CDK5: variants seen among roughly 807,000 people sequenced by gnomAD.
The protein encoded by CDK5 is cyclin-dependent kinase 5.
Under a neutral mutation model 44.6 loss-of-function variants are expected in CDK5, and 18 were observed. That is an observed-to-expected ratio of 0.40 (90% CI 0.28 to 0.60). The LOEUF (loss-of-function observed/expected upper bound fraction) is 0.60. Ranked by LOEUF, CDK5 falls within the 20% of genes least tolerant of loss-of-function variation. CDK5 has a pLI of 0.38. For synonymous variants in CDK5, 143 were observed against 152.8 expected, an observed-to-expected ratio of 0.94 and a Z score of 0.47; for missense variants, 198 against 368.1, an observed-to-expected ratio of 0.54 and a Z score of 3.78.
Position 151,057,661 on chromosome 7 carries a change from T to G in CDK5, c.37+151A>C. 2 of 813,254 alleles carry G rather than the reference T, an allele frequency of 2.5e-6. No homozygotes were observed. Among genetic ancestry groups the G allele is most frequent in the East Asian group, 5.3e-5 (2 of 37,718 alleles). 50.4% of individuals were successfully genotyped at this position (813,254 alleles called of 1,614,324 possible). On this transcript the variant is annotated intron_variant, in intron 1 of 11. Coordinates refer to ENST00000485972, the MANE Select transcript of CDK5 (RefSeq NM_004935.4). This position sits in a 1 kb window ranked among gnomAD's most constrained non-coding sequence, Gnocchi z 5.2. ...TGCTAACACGGGGAAGACTGGTGTCTGCACGGAGTGCTGAGCTAGGGGGCC... is the reference window on the plus strand; with the variant it reads ...TGCTAACACGGGGAAGACTGGTGTCGGCACGGAGTGCTGAGCTAGGGGGCC...
rs1485915534 is a variant in CDK5, at chr7:151,055,745, A to G, written c.408+8T>C. Reference sequence around the variant, plus strand: ...CTCTCCATTCCCCACCTTCTTCCCAAGAAGTACCCTGTTTATTAGCAGGTT... The same window carrying G: ...CTCTCCATTCCCCACCTTCTTCCCAGGAAGTACCCTGTTTATTAGCAGGTT... On this transcript the variant is annotated splice_region_variant and intron_variant, in intron 6 of 11. Coordinates refer to ENST00000485972, the MANE Select transcript of CDK5 (RefSeq NM_004935.4). 6.2e-7 allele frequency: 1 copy of G among 1,603,266 alleles called. No individual in the cohort carries two copies. Among genetic ancestry groups the G allele is most frequent in the Non-Finnish European group, 8.5e-7 (1 of 1,172,830 alleles).
chr7:151,055,309 A>T lies in CDK5; in HGVS notation c.548T>A (p.Ile183Asn). The change falls in exon 8 of 12, where the codon ATC (isoleucine) becomes AAC (asparagine). Residue 183 changes from isoleucine to asparagine, a missense_variant. Coordinates refer to ENST00000485972, the MANE Select transcript of CDK5 (RefSeq NM_004935.4). The stretch of plus-strand genomic sequence containing the variant: ...GATGCAGCCGGCTGACCACATGTCG[A>T]TGGACGTGGAGTACAGCTTGGCCCC... ...LFGAKLYSTS[I>N]DMWSAGCIFA... 1 of 1,613,914 alleles carries T rather than the reference A, an allele frequency of 6.2e-7. No individual in the cohort carries two copies. Among genetic ancestry groups the T allele is most frequent in the Non-Finnish European group, 8.5e-7 (1 of 1,179,822 alleles).
In CDK5 at chr7:151,057,786, G is replaced by A. The variant is rs1796930364; in HGVS notation, c.37+26C>T. On this transcript the variant is annotated intron_variant, in intron 1 of 11. Coordinates refer to ENST00000485972, the MANE Select transcript of CDK5 (RefSeq NM_004935.4). This position sits in a 1 kb window ranked among gnomAD's most constrained non-coding sequence, Gnocchi z 5.2. ...CCGAAGGATCTGCAGAGGAGCTCTT[G>A]CAGGAACATCTCGAGATTCCATTAC... is the stretch of plus-strand genomic sequence containing the variant. 6.2e-7 allele frequency: 1 copy of A among 1,605,808 alleles called. No homozygotes were observed. Among genetic ancestry groups the A allele is most frequent in the Non-Finnish European group, 8.5e-7 (1 of 1,175,722 alleles).
rs1796889572 is a variant in CDK5 at position 151,056,159 on chromosome 7, C to G, written c.313-311G>C. 5.7e-6 allele frequency: 3 copies of G among 523,402 alleles called. No homozygotes were observed. Among genetic ancestry groups the G allele is most frequent in the East Asian group, 3.1e-5 (1 of 32,362 alleles). The allele number at this position is 523,402 out of a possible 1,614,324, so 32.4% of individuals were successfully genotyped here. A position where few individuals can be genotyped will look rare whatever the true frequency, so the allele number is the denominator to read the frequency against. ...GCTGATCTTCCCTTCCTGGCCGCAT[C>G]TGAGTATGCACGCCGTGAACATCAA... On this transcript the variant is annotated intron_variant, in intron 5 of 11. Transcript: ENST00000485972. The surrounding 1 kb of genome is among the most constrained non-coding windows in gnomAD (Gnocchi z 4.7).
chr7:151,054,980 G>A lies in CDK5; in HGVS notation c.650+47C>T, dbSNP rs780040704. The A allele has an allele frequency of 4.3e-5, 68 of 1,591,436 alleles. No homozygotes were observed. Among genetic ancestry groups the A allele is most frequent in the African/African-American group, 5.4e-5 (4 of 74,484 alleles). On this transcript the variant is annotated intron_variant, in intron 9 of 11. Transcript: ENST00000485972. The surrounding 1 kb of genome is among the most constrained non-coding windows in gnomAD (Gnocchi z 5.7). ...TCACCCATTGTGCTCAAAACTCCAT[G>A]GACTCTCCCCTCCCAGAGGGCTCAA...
In CDK5 at chr7:151,055,866, GA is replaced by G; in HGVS notation, c.313-19del. The stretch of plus-strand genomic sequence containing the variant: ...AGGAATGACTGGGAGGAGAGAGGGA[GA>G]AGGGAGTCAGACGCCCTGAACATGC... On this transcript the variant is annotated intron_variant, in intron 5 of 11. Transcript: ENST00000485972. 1 of 1,563,342 alleles carries G rather than the reference GA, an allele frequency of 6.4e-7. No individual in the cohort carries two copies. Among genetic ancestry groups the G allele is most frequent in the Non-Finnish European group, 8.8e-7 (1 of 1,141,680 alleles).
Position 151,054,171 on chromosome 7 carries a change from G to A in CDK5, c.792+41C>T, listed in dbSNP as rs1181325887. Reference sequence around the variant, plus strand: ...AGCCCTGCCTTCCTGTAGTCCCACTGGGCAAGTGTCCTGACCCACCCTCTA... The same window carrying A: ...AGCCCTGCCTTCCTGTAGTCCCACTAGGCAAGTGTCCTGACCCACCCTCTA... On this transcript the variant is annotated intron_variant, in intron 11 of 11. Coordinates refer to ENST00000485972, the MANE Select transcript of CDK5 (RefSeq NM_004935.4). The surrounding 1 kb of genome is among the most constrained non-coding windows in gnomAD (Gnocchi z 5.7). 6.3e-7 allele frequency: 1 copy of A among 1,596,782 alleles called. No individual in the cohort carries two copies. The highest frequency in any genetic ancestry group is 8.5e-7 in the Non-Finnish European group (1 of 1,170,868).
chr7:151,057,257 G>T lies in CDK5; in HGVS notation c.38-97C>A. On this transcript the variant is annotated intron_variant, in intron 1 of 11. Transcript: ENST00000485972. This position sits in a 1 kb window ranked among gnomAD's most constrained non-coding sequence, Gnocchi z 5.2. ...AGAGGTGAAGGCAGCGTCTCAGTATGCAAGGGAAGGGATTCAGGGTGAAGG... is the reference window on the plus strand; with the variant it reads ...AGAGGTGAAGGCAGCGTCTCAGTATTCAAGGGAAGGGATTCAGGGTGAAGG... 1 of 917,378 alleles carries T rather than the reference G, an allele frequency of 1.1e-6. No individual in the cohort carries two copies. The highest frequency in any genetic ancestry group is 1.8e-6 in the Non-Finnish European group (1 of 546,628). 56.8% of individuals were successfully genotyped at this position (917,378 alleles called of 1,614,324 possible). A position where few individuals can be genotyped will look rare whatever the true frequency, so the allele number is the denominator to read the frequency against.
At position 151,057,719 on chromosome 7, in the gene CDK5, T is replaced by C; in HGVS notation, c.37+93A>G. The C allele has an allele frequency of 2.2e-6, 3 of 1,355,844 alleles. No individual in the cohort carries two copies. Among genetic ancestry groups the C allele is most frequent in the Non-Finnish European group, 2.1e-6 (2 of 966,916 alleles). 84.0% of individuals were successfully genotyped at this position (1,355,844 alleles called of 1,614,324 possible). On this transcript the variant is annotated intron_variant, in intron 1 of 11. Coordinates refer to ENST00000485972, the MANE Select transcript of CDK5 (RefSeq NM_004935.4). This position sits in a 1 kb window ranked among gnomAD's most constrained non-coding sequence, Gnocchi z 5.2. ...CAGCCGCTGCTGAGATCGGAGCCTG[T>C]AGGCATTGCTGACGGTAAGGGAGCC...
chr7:151,057,110 C>T lies in CDK5; in HGVS notation c.88G>A (p.Val30Met). 2 of 1,614,004 alleles carry T rather than the reference C, an allele frequency of 1.2e-6. No individual in the cohort carries two copies. The highest frequency in any genetic ancestry group is 1.7e-6 in the Non-Finnish European group (2 of 1,179,892). Reference sequence around the variant, plus strand: ...TCCAGCCTCACCCGTTTCAGAGCCACGATCTCATGAGTCTCCCGGTTTTTG... The same window carrying T: ...TCCAGCCTCACCCGTTTCAGAGCCATGATCTCATGAGTCTCCCGGTTTTTG... ...KAKNRETHEI[V>M]ALKRVRLDDD... Residue 30 changes from valine (V) to methionine (M), a missense_variant, in exon 2 of 12, where the codon GTG becomes ATG. Transcript: ENST00000485972. The surrounding 1 kb of genome is among the most constrained non-coding windows in gnomAD (Gnocchi z 5.2).
intron 5 of CDK5, 47 bp from the exon 6 acceptor site, chr7:151,055,895 C>G (rs2069454): frequency 0.046 from 61,002 of 1,325,908 alleles, 1,541 homozygotes; most frequent in African/African-American, 0.068. Flanking sequence ...GAACATGCAA[C>G]TGTGCCCAGC....
In CDK5 at chr7:151,057,775, G is replaced by A. The variant is rs1189139756; in HGVS notation, c.37+37C>T. 2 of 1,597,374 alleles carry A rather than the reference G, an allele frequency of 1.3e-6. No individual in the cohort carries two copies. The highest frequency in any genetic ancestry group is 2.2e-5 in the East Asian group (1 of 44,448). ...TTCAAGGAATGCCGAAGGATCTGCA[G>A]AGGAGCTCTTGCAGGAACATCTCGA... On this transcript the variant is annotated intron_variant, in intron 1 of 11. Transcript: ENST00000485972. This position sits in a 1 kb window ranked among gnomAD's most constrained non-coding sequence, Gnocchi z 5.2.
Position 151,057,196 on chromosome 7 carries a change from C to A in CDK5, c.38-36G>T, listed in dbSNP as rs111485896. ...GAGGTCAGGGGTCAGGGTGAGGATG[C>A]GGCACTCTTCCCTAAGCCAGGAAAT... On this transcript the variant is annotated intron_variant, in intron 1 of 11. Transcript: ENST00000485972. This position sits in a 1 kb window ranked among gnomAD's most constrained non-coding sequence, Gnocchi z 5.2. The A allele has an allele frequency of 3.4e-3, 5,146 of 1,493,434 alleles. 12 individuals are homozygous for A. The highest frequency in any genetic ancestry group is 4.1e-3 in the Non-Finnish European group (4,351 of 1,069,964). 92.5% of individuals were successfully genotyped at this position (1,493,434 alleles called of 1,614,324 possible). A position where few individuals can be genotyped will look rare whatever the true frequency, so the allele number is the denominator to read the frequency against.
In CDK5 at chr7:151,053,959, G is replaced by T; in HGVS notation, c.*50C>A. The T allele has an allele frequency of 6.7e-7, 1 of 1,490,860 alleles. No homozygotes were observed. The highest frequency in any genetic ancestry group is 9.1e-7 in the Non-Finnish European group (1 of 1,095,088). 92.4% of individuals were successfully genotyped at this position (1,490,860 alleles called of 1,614,324 possible). A position where few individuals can be genotyped will look rare whatever the true frequency, so the allele number is the denominator to read the frequency against. ...CCCCACTGTCTCACCCCTCTCAAGA[G>T]GGGGCTTAAATAGGCCAGGCCCCAG... On this transcript the variant is annotated 3_prime_UTR_variant, in exon 12 of 12. Transcript: ENST00000485972.
chr7:151,054,374 TGAAC>T lies in CDK5; in HGVS notation c.711+27_711+30del. On this transcript the variant is annotated intron_variant, in intron 10 of 11. Coordinates refer to ENST00000485972, the MANE Select transcript of CDK5 (RefSeq NM_004935.4). This position sits in a 1 kb window ranked among gnomAD's most constrained non-coding sequence, Gnocchi z 5.7. ...AGGAATGTGAAACGAGTGACCCTGA[TGAAC>T]CATGACCCCCACATTCCCCATCACA... 1 of 1,612,978 alleles carries T rather than the reference TGAAC, an allele frequency of 6.2e-7. No individual in the cohort carries two copies. Among genetic ancestry groups the T allele is most frequent in the Non-Finnish European group, 8.5e-7 (1 of 1,179,198 alleles).
rs868305943 is a variant in CDK5, at chr7:151,054,346, G to A, written c.712-54C>T. 1.2e-5 allele frequency: 20 copies of A among 1,610,810 alleles called. 1 individual carries two copies. The highest frequency in any genetic ancestry group is 1.6e-4 in the Middle Eastern group (1 of 6,072). ...GAGGTAGGGGGAGGGGGATGGAGGC[G>A]CTAGGAATGTGAAACGAGTGACCCT... On this transcript the variant is annotated intron_variant, in intron 10 of 11. Coordinates refer to ENST00000485972, the MANE Select transcript of CDK5 (RefSeq NM_004935.4). The surrounding 1 kb of genome is among the most constrained non-coding windows in gnomAD (Gnocchi z 5.7).
In CDK5 at chr7:151,057,285, G is replaced by A. The variant is rs548805109; in HGVS notation, c.38-125C>T. ...AGGGAAGGGATTCAGGGTGAAGGTA[G>A]GTTGGTGAGCTTTGTGAGTGAGGAT... On this transcript the variant is annotated intron_variant, in intron 1 of 11. Coordinates refer to ENST00000485972, the MANE Select transcript of CDK5 (RefSeq NM_004935.4). This position sits in a 1 kb window ranked among gnomAD's most constrained non-coding sequence, Gnocchi z 5.2. The A allele has an allele frequency of 2.5e-6, 2 of 811,142 alleles. No individual in the cohort carries two copies. Among genetic ancestry groups the A allele is most frequent in the Admixed American group, 1.8e-5 (1 of 56,898 alleles). The allele number at this position is 811,142 out of a possible 1,614,324, so 50.2% of individuals were successfully genotyped here.
chr7:151,057,679 A>AG lies in CDK5; in HGVS notation c.37+132dup. On this transcript the variant is annotated intron_variant, in intron 1 of 11. Coordinates refer to ENST00000485972, the MANE Select transcript of CDK5 (RefSeq NM_004935.4). This position sits in a 1 kb window ranked among gnomAD's most constrained non-coding sequence, Gnocchi z 5.2. ...TGGTGTCTGCACGGAGTGCTGAGCTAGGGGGCCAGGGCTGCAGCCGCTGCT... is the reference window on the plus strand; with the variant it reads ...TGGTGTCTGCACGGAGTGCTGAGCTAGGGGGGCCAGGGCTGCAGCCGCTGCT... The AG allele has an allele frequency of 1.1e-6, 1 of 934,688 alleles. No homozygotes were observed. Among genetic ancestry groups the AG allele is most frequent in the Non-Finnish European group, 1.7e-6 (1 of 591,620 alleles). The allele number at this position is 934,688 out of a possible 1,614,324, so 57.9% of individuals were successfully genotyped here. A position where few individuals can be genotyped will look rare whatever the true frequency, so the allele number is the denominator to read the frequency against.
chr7:151,056,063 A>C lies in CDK5; in HGVS notation c.313-215T>G. 1 of 581,614 alleles carries C rather than the reference A, an allele frequency of 1.7e-6. No individual in the cohort carries two copies. Among genetic ancestry groups the C allele is most frequent in the Non-Finnish European group, 3.1e-6 (1 of 325,474 alleles). The allele number at this position is 581,614 out of a possible 1,614,324, so 36.0% of individuals were successfully genotyped here. On this transcript the variant is annotated intron_variant, in intron 5 of 11. Transcript: ENST00000485972. This position sits in a 1 kb window ranked among gnomAD's most constrained non-coding sequence, Gnocchi z 4.7. Reference sequence around the variant, plus strand: ...AGTAAAGAAGCTGGCTCTGGTCCCCACCTTCCTGGACCATACAGCCTAATG... The same window carrying C: ...AGTAAAGAAGCTGGCTCTGGTCCCCCCCTTCCTGGACCATACAGCCTAATG...
Sources: allele counts gnomAD v4.1 joint callset, GRCh38; gene constraint gnomAD v4.1.1; non-coding constraint Gnocchi (gnomAD v3.1); transcripts MANE v1.5; gene names NCBI Gene and HGNC (gene_info 2026-07-23, HGNC 2026-07-21).